DNAJC8: variants seen among roughly 807,000 people sequenced by gnomAD.
DNAJC8 encodes the protein dnaJ homolog subfamily C member 8.
A neutral mutation model predicts 43.2 loss-of-function variants in DNAJC8; 24 were observed. The ratio of observed to expected loss-of-function variants is 0.56; its 90% CI spans 0.40 to 0.78. The LOEUF (loss-of-function observed/expected upper bound fraction) is 0.78. Among genes scored for constraint, DNAJC8 ranks in the 30% least tolerant of loss-of-function variants. DNAJC8 has a pLI of 0.00. For synonymous variants in DNAJC8, 83 were observed against 98.0 expected (o/e 0.85, Z 0.90); for missense variants, 207 against 299.4 (o/e 0.69, Z 2.28).
chr1:28,216,933 C>G (rs1043486835), intron 2 of DNAJC8, among the ~76,000 whole-genome samples: 8 of 150,958 alleles, frequency 5.3e-5, no homozygotes, highest in African/African-American at 1.7e-4. Context: ...CTCAGACTCT[C>G]GAGTAGCTGG....
intron 6 of DNAJC8, among the ~76,000 whole-genome samples, chr1:28,206,404 C>T (rs1646768647): frequency 6.6e-6 from 1 of 151,830 alleles, no homozygotes; most frequent in Admixed American, 6.6e-5. Flanking sequence ...TATGAGCCAC[C>T]AGAGGTTATT....
chr1:28,208,071 T>C (rs529954245), intron 6 of DNAJC8, among the ~76,000 whole-genome samples: 1 of 152,104 alleles, frequency 6.6e-6, no homozygotes, highest in African/African-American at 2.4e-5. Context: ...CCGGGCATGG[T>C]GGTACATGCT....
chr1:28,204,400 G>C (rs1195619003), intron 7 of DNAJC8, among the ~76,000 whole-genome samples: 1 of 152,110 alleles, frequency 6.6e-6, no homozygotes, highest in Non-Finnish European at 1.5e-5. Flanking sequence ...GACCAACATG[G>C]TGAAACCCCG....
chr1:28,214,248 T>C (rs1246327788), intron 3 of DNAJC8, among the ~76,000 whole-genome samples: 1 of 152,090 alleles, frequency 6.6e-6, no homozygotes, highest in Non-Finnish European at 1.5e-5. Context: ...AAAGATAAAA[T>C]TACGGCCGGG....
At chr1:28,215,109 G>T in intron 2 of DNAJC8, 113 bp from the exon 3 acceptor site, 1 of 768,328 alleles carries the variant, frequency 1.3e-6, no homozygotes, top group Non-Finnish European at 2.0e-6. Context: ...AGTACCCCAT[G>T]TTCTAGAACA....
In DNAJC8 at chr1:28,200,670, G is replaced by A. The variant is rs1487889526; in HGVS notation, c.*578C>T. The A allele has an allele frequency of 6.6e-6, 3 of 454,628 alleles. No individual in the cohort carries two copies. Among genetic ancestry groups the A allele is most frequent in the Non-Finnish European group, 1.3e-5 (3 of 226,822 alleles). The allele number at this position is 454,628 out of a possible 1,614,324, so 28.2% of individuals were successfully genotyped here. ...GCTCTTTGGAAAGTGAAAGGTTTGG[G>A]TGGCGTGGGCCTCATGCCACACTGA... is the stretch of plus-strand genomic sequence containing the variant. On this transcript the variant is annotated 3_prime_UTR_variant, in exon 9 of 9. Transcript: ENST00000263697.
intron 2 of DNAJC8, among the ~76,000 whole-genome samples, chr1:28,228,062 A>G (rs1646948925): frequency 1.3e-5 from 2 of 152,182 alleles, no homozygotes; most frequent in African/African-American, 4.8e-5. Context: ...TTAAATCAAG[A>G]ATCCTAGGCT....
intron 3 of DNAJC8, among the ~76,000 whole-genome samples, chr1:28,212,662 T>C (rs1342592264): frequency 1.3e-5 from 2 of 151,634 alleles, no homozygotes; most frequent in Non-Finnish European, 2.9e-5. Context: ...ATACTCACAG[T>C]TAAAAACCAT....
intron 4 of DNAJC8, 137 bp downstream of exon 4, chr1:28,210,434 A>G: frequency 1.4e-6 from 1 of 715,532 alleles, no homozygotes; most frequent in African/African-American, 1.8e-5. Context: ...TGAAATGGCA[A>G]CTGCTCTACT....
At chr1:28,219,834 G>C (rs1646886954) in intron 2 of DNAJC8, among the ~76,000 whole-genome samples, 1 of 152,032 alleles carries the variant, frequency 6.6e-6, no homozygotes, top group South Asian at 2.1e-4. Context: ...TTGCCACCAT[G>C]CCCAGCTAAT....
chr1:28,223,069 A>G (rs1278776772), intron 2 of DNAJC8, among the ~76,000 whole-genome samples: 1 of 152,184 alleles, frequency 6.6e-6, no homozygotes, highest in Non-Finnish European at 1.5e-5. Context: ...GGACATTCCC[A>G]CAAAGGGCAG....
intron 6 of DNAJC8, 25 bp downstream of exon 6, chr1:28,208,317 G>A: frequency 6.3e-7 from 1 of 1,586,668 alleles, no homozygotes; most frequent in Non-Finnish European, 8.6e-7. Context: ...ACAAGATACA[G>A]TGGCTTTTCC....
intron 8 of DNAJC8, among the ~76,000 whole-genome samples, chr1:28,202,799 G>A (rs372394826): frequency 2.0e-5 from 3 of 150,496 alleles, no homozygotes; most frequent in East Asian, 3.9e-4. Flanking sequence ...AGCCAGGATG[G>A]TCTCAATCTC....
At chr1:28,222,485 C>CAAAA (rs35878807) in intron 2 of DNAJC8, among the ~76,000 whole-genome samples, 6 of 44,658 alleles carry the variant, frequency 1.3e-4, no homozygotes, top group East Asian at 6.0e-4. Context: ...GACTCCATCT[C>CAAAA]AAAAAAAAAA....
chr1:28,227,188 C>T (rs772049865), intron 2 of DNAJC8, among the ~76,000 whole-genome samples: 5 of 132,822 alleles, frequency 3.8e-5, no homozygotes, highest in Non-Finnish European at 6.2e-5. Flanking sequence ...ACAGGTGGAT[C>T]GCCTGAGCTC....
At chr1:28,227,579 G>C in intron 2 of DNAJC8, among the ~76,000 whole-genome samples, 1 of 151,738 alleles carries the variant, frequency 6.6e-6, no homozygotes, top group East Asian at 1.9e-4. Flanking sequence ...GTGACAGTGA[G>C]ACCCTGTCTC....
intron 3 of DNAJC8, among the ~76,000 whole-genome samples, chr1:28,212,168 A>AATAAAAAAAAATATAT: frequency 3.2e-5 from 1 of 31,024 alleles, no homozygotes; most frequent in South Asian, 1.4e-3. Flanking sequence ...TAAATAAATA[A>AATAAAAAAAAATATAT]ATATATATAT....
intron 8 of DNAJC8, among the ~76,000 whole-genome samples, chr1:28,203,535 T>C (rs539573920): frequency 7.2e-5 from 11 of 152,276 alleles, no homozygotes; most frequent in Non-Finnish European, 1.6e-4. Flanking sequence ...TAAAAATAAA[T>C]TTTAAAAAAG....
chr1:28,228,540 C>A (rs1263760916), intron 2 of DNAJC8, among the ~76,000 whole-genome samples: 1 of 152,084 alleles, frequency 6.6e-6, no homozygotes, highest in South Asian at 2.1e-4. Flanking sequence ...AATCTATATA[C>A]AGGTTACATA....
Sources: allele counts gnomAD v4.1 joint callset (sites outside exome capture counted in the v4.1 genomes callset), GRCh38; gene constraint gnomAD v4.1.1; transcripts MANE v1.5; gene names NCBI Gene and HGNC (gene_info 2026-07-23, HGNC 2026-07-21).